Variants in GMDS observed in about 807,000 individuals in gnomAD.
GMDS encodes the protein GDP-mannose 4,6-dehydratase, also known as GDP-mannose 4,6 dehydratase.
In GMDS, 20 loss-of-function variants were observed where a neutral mutation model predicts 49.9. That is an observed-to-expected ratio of 0.40 (90% CI 0.28 to 0.58). The LOEUF is 0.58. GMDS is among the 20% of genes least tolerant of loss of function. GMDS has a pLI of 0.42. For synonymous variants in GMDS, 177 were observed against 178.6 expected (o/e 0.99, Z 0.07); for missense variants, 362 against 481.4 (o/e 0.75, Z 2.32).
chr6:2,134,157 T>A (rs3800162), intron 1 of GMDS, among the ~76,000 whole-genome samples: 47,745 of 152,094 alleles, frequency 0.31, 8,909 homozygotes, highest in East Asian at 0.48. Flanking sequence ...CATGGTGTGA[T>A]TCTAGATAGC....
intron 1 of GMDS, among the ~76,000 whole-genome samples, chr6:2,242,261 C>A (rs1781647888): frequency 6.6e-6 from 1 of 152,194 alleles, no homozygotes; most frequent in Non-Finnish European, 1.5e-5. Context: ...AAGAACATCT[C>A]CAAGAGTGCA....
intron 9 of GMDS, among the ~76,000 whole-genome samples, chr6:1,661,156 G>A (rs1246680904): frequency 1.3e-5 from 2 of 152,088 alleles, no homozygotes; most frequent in Non-Finnish European, 1.5e-5. Context: ...GCTACGGAGC[G>A]CTGTAACTGG....
At chr6:1,641,906 C>T (rs1043221267) in intron 9 of GMDS, among the ~76,000 whole-genome samples, 2 of 152,156 alleles carry the variant, frequency 1.3e-5, no homozygotes, top group Non-Finnish European at 2.9e-5. Flanking sequence ...CCCAACAACT[C>T]GGCACACTTC....
chr6:1,954,678 T>G (rs762217810), intron 6 of GMDS, among the ~76,000 whole-genome samples: 5 of 152,220 alleles, frequency 3.3e-5, no homozygotes, highest in Non-Finnish European at 7.3e-5. Flanking sequence ...CAGTGAAAAC[T>G]TTATTATGAG....
In GMDS at chr6:2,124,671, C is replaced by G. The variant is rs2127509585; in HGVS notation, c.147+16G>C. On this transcript the variant is annotated intron_variant, in intron 2 of 10. Transcript: ENST00000380815. ...AACCCCACCAGCCTGCGCCCGCTTCCCATTGAGTCACCCACCTCATAGCCT... is the reference window on the plus strand; with the variant it reads ...AACCCCACCAGCCTGCGCCCGCTTCGCATTGAGTCACCCACCTCATAGCCT... 6.2e-7 allele frequency: 1 copy of G among 1,609,272 alleles called. No homozygotes were observed. Among genetic ancestry groups the G allele is most frequent in the Admixed American group, 1.7e-5 (1 of 59,994 alleles).
chr6:1,914,185 G>A (rs945553271), intron 7 of GMDS, among the ~76,000 whole-genome samples: 11 of 144,376 alleles, frequency 7.6e-5, no homozygotes, highest in Admixed American at 1.4e-4. Flanking sequence ...GGCTAGGCGC[G>A]GTGGCTCACG....
intron 4 of GMDS, among the ~76,000 whole-genome samples, chr6:2,006,583 G>T (rs1767195343): frequency 6.6e-6 from 1 of 152,042 alleles, no homozygotes; most frequent in Non-Finnish European, 1.5e-5. Flanking sequence ...TAATTTCTAG[G>T]AAAACCTACA....
chr6:2,119,436 G>A (rs920201320), intron 2 of GMDS, among the ~76,000 whole-genome samples: 1 of 151,900 alleles, frequency 6.6e-6, no homozygotes, highest in African/African-American at 2.4e-5. Context: ...CCAACATTTG[G>A]TATGTGTACA....
At chr6:1,639,623 C>A (rs1236022812) in intron 9 of GMDS, among the ~76,000 whole-genome samples, 1 of 152,226 alleles carries the variant, frequency 6.6e-6, no homozygotes, top group Non-Finnish European at 1.5e-5. Flanking sequence ...CACGGTGGCT[C>A]ATGCCTGTAA....
In GMDS at chr6:1,879,816, C is replaced by T. The variant is rs147963810; in HGVS notation, c.771+50287G>A. ...ATATAGTGAGATCTGATCTCGATAT[C>T]GTGTATGAGACCTCAGAGATAGTAC... On this transcript the variant is annotated intron_variant, in intron 7 of 10. Coordinates refer to ENST00000380815, the MANE Select transcript of GMDS (RefSeq NM_001500.4). Among the ~76,000 whole-genome samples the T allele has an allele frequency of 1.1e-4, 17 of 152,142 alleles. No homozygotes were observed. The East Asian group carries it at 2.9e-3, about 26-fold the overall frequency.
Position 1,691,123 on chromosome 6 carries a change from TG to T in GMDS, c.987+35292del, listed in dbSNP as rs549967964. On this transcript the variant is annotated intron_variant, in intron 9 of 10. Transcript: ENST00000380815. ...TGGACTCAACCCAAATGCTAATCAA[TG>T]ATAGACTGGATAAAGAAAATGTAGT... Among the ~76,000 whole-genome samples the T allele has an allele frequency of 3.1e-3, 465 of 152,286 alleles. 2 individuals carry two copies. Among genetic ancestry groups the T allele is most frequent in the Non-Finnish European group, 5.1e-3 (345 of 68,024 alleles).
intron 9 of GMDS, among the ~76,000 whole-genome samples, chr6:1,704,246 C>A (rs1325149225): frequency 6.6e-6 from 1 of 151,456 alleles, no homozygotes; most frequent in Non-Finnish European, 1.5e-5. Flanking sequence ...GAAAGAGGAC[C>A]GCAGGGGTGG....
chr6:1,710,623 A>C (rs1164127546), intron 9 of GMDS, among the ~76,000 whole-genome samples: 1 of 141,776 alleles, frequency 7.1e-6, no homozygotes, highest in African/African-American at 2.8e-5. Context: ...CTAGACCTGG[A>C]GCTCTCCGAG....
intron 4 of GMDS, among the ~76,000 whole-genome samples, chr6:2,077,672 G>A (rs1210032065): frequency 1.3e-5 from 2 of 152,048 alleles, no homozygotes; most frequent in East Asian, 1.9e-4. Flanking sequence ...TGTGCAGTAG[G>A]AATCAGTTTG....
At chr6:2,025,781 A>G (rs1000574930) in intron 4 of GMDS, among the ~76,000 whole-genome samples, 1 of 152,198 alleles carries the variant, frequency 6.6e-6, no homozygotes, top group East Asian at 1.9e-4. Context: ...CAGTATGTAC[A>G]GAATACAAAA....
chr6:1,675,530 G>A (rs1210103451), intron 9 of GMDS, among the ~76,000 whole-genome samples: 1 of 152,102 alleles, frequency 6.6e-6, no homozygotes, highest in East Asian at 1.9e-4. Flanking sequence ...TGATCTTGGG[G>A]GAAAGCATCT....
chr6:1,896,961 A>G (rs1760231811), intron 7 of GMDS, among the ~76,000 whole-genome samples: 1 of 152,096 alleles, frequency 6.6e-6, no homozygotes, highest in South Asian at 2.1e-4. Flanking sequence ...CGAGGGCAGG[A>G]CTCTAGGCTG....
chr6:2,110,739 A>C (rs1292718776), intron 4 of GMDS, among the ~76,000 whole-genome samples: 3 of 152,204 alleles, frequency 2.0e-5, no homozygotes, highest in Non-Finnish European at 2.9e-5. Context: ...AAACAAAATT[A>C]AACAAATAAC....
At position 1,757,736 on chromosome 6, in the gene GMDS, C is replaced by A. The variant is rs574385874; in HGVS notation, c.772-15150G>T. On this transcript the variant is annotated intron_variant, in intron 7 of 10. Coordinates refer to ENST00000380815, the MANE Select transcript of GMDS (RefSeq NM_001500.4). ...ATATCAACTTATGGACATCACAGTG[C>A]GTGCATTAAGGTGGATGTAGACAGG... 7.2e-5 allele frequency among the ~76,000 whole-genome samples: 11 copies of A among 152,234 alleles called. No individual in the cohort carries two copies. In the East Asian group the frequency reaches 1.4e-3, roughly 19 times the overall value.
Sources: allele counts gnomAD v4.1 joint callset (sites outside exome capture counted in the v4.1 genomes callset), GRCh38; gene constraint gnomAD v4.1.1; transcripts MANE v1.5; gene names NCBI Gene and HGNC (gene_info 2026-07-23, HGNC 2026-07-21).